SFMBT1: variants seen among roughly 807,000 people sequenced by gnomAD.
SFMBT1 encodes scm-like with four MBT domains protein 1.
Under a neutral mutation model 108.7 loss-of-function variants are expected in SFMBT1, and 32 were observed. That is an observed-to-expected ratio of 0.29 (90% confidence interval 0.22 to 0.40). The LOEUF (loss-of-function observed/expected upper bound fraction) is 0.40, where lower values mean the gene tolerates loss of function less well. SFMBT1 is among the 10% of genes least tolerant of loss of function. The pLI, the probability that SFMBT1 is intolerant of heterozygous loss-of-function variation, is 1.00. For missense variants in SFMBT1, 816 were observed against 1,059.6 expected (o/e 0.77, Z 3.19); for synonymous variants, 348 against 369.5 (o/e 0.94, Z 0.67).
intron 1 of SFMBT1, among the ~76,000 whole-genome samples, chr3:53,042,187 A>G (rs1700080045): frequency 6.6e-6 from 1 of 152,252 alleles, no homozygotes; most frequent in Non-Finnish European, 1.5e-5. Flanking sequence ...AAAGCCAATG[A>G]AGTTTGTATA....
chr3:53,008,935 G>A (rs71617204), intron 1 of SFMBT1, among the ~76,000 whole-genome samples: 10,837 of 150,436 alleles, frequency 0.072, 446 homozygotes, highest in Non-Finnish European at 0.095. Context: ...GTGCCCGGCC[G>A]GAAGATTTTG....
intron 9 of SFMBT1, among the ~76,000 whole-genome samples, chr3:52,926,429 A>G (rs1378363917): frequency 6.6e-6 from 1 of 152,222 alleles, no homozygotes; most frequent in African/African-American, 2.4e-5. Flanking sequence ...AATTTAAGAC[A>G]GTTATGACTG....
At chr3:52,906,819 C>A (rs978983614) in intron 19 of SFMBT1, among the ~76,000 whole-genome samples, 3 of 152,070 alleles carry the variant, frequency 2.0e-5, no homozygotes, top group Non-Finnish European at 2.9e-5. Context: ...AGCAATGGGG[C>A]TTTTTTTGTT....
intron 1 of SFMBT1, among the ~76,000 whole-genome samples, chr3:52,998,347 G>A (rs982368188): frequency 2.7e-5 from 4 of 150,112 alleles, no homozygotes; most frequent in East Asian, 1.9e-4. Context: ...AGCCGAGATC[G>A]CGCCACTGCA....
At chr3:53,022,830 G>C (rs1486237294) in intron 1 of SFMBT1, among the ~76,000 whole-genome samples, 1 of 152,162 alleles carries the variant, frequency 6.6e-6, no homozygotes, top group Non-Finnish European at 1.5e-5. Flanking sequence ...GAGTGATGGA[G>C]ACGGACTGTG....
At chr3:53,019,402 G>A (rs1699230246) in intron 1 of SFMBT1, among the ~76,000 whole-genome samples, 1 of 151,422 alleles carries the variant, frequency 6.6e-6, no homozygotes, top group South Asian at 2.1e-4. Context: ...GGGTATATGT[G>A]TGAAATCAAT....
chr3:52,975,938 G>A (rs1466055368), intron 1 of SFMBT1, among the ~76,000 whole-genome samples: 4 of 152,054 alleles, frequency 2.6e-5, no homozygotes, highest in African/African-American at 9.7e-5. Flanking sequence ...TTGAGTCTGA[G>A]AGGCAGAGGC....
chr3:52,942,007 A>C (rs1703198777), intron 4 of SFMBT1, among the ~76,000 whole-genome samples: 1 of 152,182 alleles, frequency 6.6e-6, no homozygotes, highest in African/African-American at 2.4e-5. Flanking sequence ...GGTACTAGCT[A>C]TTAGGGAGGC....
chr3:53,026,555 G>A (rs978700186), intron 1 of SFMBT1, among the ~76,000 whole-genome samples: 1 of 151,960 alleles, frequency 6.6e-6, no homozygotes, highest in Non-Finnish European at 1.5e-5. Context: ...TTCCTACCAA[G>A]CTGCATGTTC....
intron 1 of SFMBT1, among the ~76,000 whole-genome samples, chr3:53,028,901 G>A (rs549810078): frequency 7.7e-4 from 117 of 152,194 alleles, no homozygotes; most frequent in South Asian, 4.6e-3. Flanking sequence ...GGCCGGGCGC[G>A]GTAGCTCATG....
intron 3 of SFMBT1, among the ~76,000 whole-genome samples, chr3:52,951,140 C>CAAAAA (rs1703575419): frequency 1.2e-5 from 1 of 83,164 alleles, no homozygotes; most frequent in Non-Finnish European, 2.5e-5. Flanking sequence ...AAAGAAAAAT[C>CAAAAA]CAAGGTTTTC....
intron 8 of SFMBT1, chr3:52,928,583 C>CATATATACAT (rs1559513853): frequency 6.0e-5 from 7 of 116,998 alleles, no homozygotes; most frequent in Admixed American, 1.0e-4. Context: ...CATATATATA[C>CATATATACAT]ATATATACAT....
intron 10 of SFMBT1, among the ~76,000 whole-genome samples, chr3:52,924,970 C>T (rs1004479152): frequency 6.6e-6 from 1 of 152,086 alleles, no homozygotes; most frequent in African/African-American, 2.4e-5. Context: ...CCTGTAATCC[C>T]AGCACTTTGG....
chr3:52,982,643 C>T (rs894338090), intron 1 of SFMBT1, among the ~76,000 whole-genome samples: 3 of 147,002 alleles, frequency 2.0e-5, no homozygotes, highest in African/African-American at 5.0e-5. Flanking sequence ...GCAGGAGAAT[C>T]GCTTGAACCC....
In SFMBT1 at chr3:53,040,968, A is replaced by ATTTTTTTTTTTTTTTTTTTTTT. The variant is rs57640588; in HGVS notation, c.-131+4826_-131+4847dup. Among the ~76,000 whole-genome samples, 36 of 46,382 alleles carry ATTTTTTTTTTTTTTTTTTTTTT rather than the reference A, an allele frequency of 7.8e-4. 5 individuals carry two copies. The highest frequency in any genetic ancestry group is 1.9e-3 in the South Asian group (2 of 1,060). The allele number at this position is 46,382 out of a possible 152,430, so 30.4% of individuals were successfully genotyped here. A position where few individuals can be genotyped will look rare whatever the true frequency, so the allele number is the denominator to read the frequency against. On this transcript the variant is annotated intron_variant, in intron 1 of 20. Coordinates refer to ENST00000394752, the MANE Select transcript of SFMBT1 (RefSeq NM_016329.4). Reference sequence around the variant, plus strand: ...TACAGGCATGCACCAAGACACCTGAATTTTTTTTTTTTTTTTTTTTTTTTT... The same window carrying ATTTTTTTTTTTTTTTTTTTTTT: ...TACAGGCATGCACCAAGACACCTGAATTTTTTTTTTTTTTTTTTTTTTTTTTTTTTTTTTTTTTTTTTTTTTT...
At position 52,914,122 on chromosome 3, in the gene SFMBT1, A is replaced by C. The variant is rs572926211; in HGVS notation, c.1481-505T>G. Among the ~76,000 whole-genome samples, 18 of 152,272 alleles carry C rather than the reference A, an allele frequency of 1.2e-4. No individual in the cohort carries two copies. In the South Asian group the frequency reaches 3.5e-3, roughly 30 times the overall value. On this transcript the variant is annotated intron_variant, in intron 14 of 20. Coordinates refer to ENST00000394752, the MANE Select transcript of SFMBT1 (RefSeq NM_016329.4). ...CATCTCTGAGATTTCTCAGAGGGCTAAAAGTATGCTGTGACCACATCTCTA... is the reference window on the plus strand; with the variant it reads ...CATCTCTGAGATTTCTCAGAGGGCTCAAAGTATGCTGTGACCACATCTCTA...
intron 12 of SFMBT1, among the ~76,000 whole-genome samples, chr3:52,918,743 G>A (rs997424554): frequency 7.2e-5 from 11 of 151,866 alleles, no homozygotes; most frequent in African/African-American, 2.7e-4. Context: ...TTTCTTAGTA[G>A]GGATCTTTAT....
At chr3:52,941,960 T>C (rs974394891) in intron 4 of SFMBT1, among the ~76,000 whole-genome samples, 12 of 152,068 alleles carry the variant, frequency 7.9e-5, no homozygotes, top group Non-Finnish European at 1.5e-4. Context: ...AAAAACTGAA[T>C]AAGGCCCAGG....
intron 10 of SFMBT1, among the ~76,000 whole-genome samples, chr3:52,922,894 C>T (rs1188299215): frequency 6.6e-6 from 1 of 152,144 alleles, no homozygotes; most frequent in Non-Finnish European, 1.5e-5. Context: ...TCCGCCTCTA[C>T]CCACCAGGCA....
Sources: allele counts gnomAD v4.1 joint callset (sites outside exome capture counted in the v4.1 genomes callset), GRCh38; gene constraint gnomAD v4.1.1; transcripts MANE v1.5; gene names NCBI Gene and HGNC (gene_info 2026-07-23, HGNC 2026-07-21).